Variants in RIN3 observed in about 807,000 individuals in gnomAD.
The protein encoded by RIN3 is RAB5 interacting protein 3.
In RIN3, 54 loss-of-function variants were observed where a neutral mutation model predicts 76.3. The ratio of observed to expected loss-of-function variants is 0.71; its 90% CI spans 0.57 to 0.89. The LOEUF is 0.89. Ranked by LOEUF, RIN3 falls within the 40% of genes least tolerant of loss-of-function variation. The probability of loss-of-function intolerance (pLI) is 0.00; values close to 1 mark genes in which losing one functional copy is unlikely to be tolerated. For missense variants in RIN3, 1,256 were observed against 1,322.1 expected (o/e 0.95, Z 0.78); for synonymous variants, 576 against 564.0 (o/e 1.02, Z -0.30).
At chr14:92,651,438 GAAA>G in intron 5 of RIN3, 141 bp from the exon 6 acceptor site, 7 of 517,428 alleles carry the variant, frequency 1.4e-5, no homozygotes, top group South Asian at 2.1e-5. Context: ...TCCAAGAGGG[GAAA>G]ACAACCTCAA....
rs192291016 is a variant in RIN3, at chr14:92,661,501, G to A, written c.2335+2032G>A. On this transcript the variant is annotated intron_variant, in intron 7 of 9. Coordinates refer to ENST00000216487, the MANE Select transcript of RIN3 (RefSeq NM_024832.5). ...AGCACTTTGGGAGGCTGAGGTGGGC[G>A]GATCACGAGGTCAGGAGTTTGAGAC... 1.2e-4 allele frequency among the ~76,000 whole-genome samples: 18 copies of A among 152,114 alleles called. No individual in the cohort carries two copies. In the East Asian group the frequency reaches 3.1e-3, roughly 26 times the overall value.
chr14:92,685,284 T>C lies in RIN3; in HGVS notation c.2631+134T>C, dbSNP rs941729246. ...CCCTGCCTTAGGGGAGCAGTGAGAC[T>C]CCCCACACCAGAGGAAGGGCCCCCA... is the stretch of plus-strand genomic sequence containing the variant. On this transcript the variant is annotated intron_variant, in intron 9 of 9. Coordinates refer to ENST00000216487, the MANE Select transcript of RIN3 (RefSeq NM_024832.5). This position sits in a 1 kb window ranked among gnomAD's most constrained non-coding sequence, Gnocchi z 4.7. 1.2e-4 allele frequency: 109 copies of C among 927,636 alleles called. 2 individuals are homozygous for C. Among genetic ancestry groups the C allele is most frequent in the African/African-American group, 1.2e-3 (70 of 60,060 alleles). The allele number at this position is 927,636 out of a possible 1,614,324, so 57.5% of individuals were successfully genotyped here.
chr14:92,549,234 A>G (rs1345464868), intron 1 of RIN3, among the ~76,000 whole-genome samples: 1 of 152,070 alleles, frequency 6.6e-6, no homozygotes, highest in Non-Finnish European at 1.5e-5. Flanking sequence ...TGGGGTAGTG[A>G]CGGCCTTTTC....
chr14:92,664,348 T>TTTTCTTTC (rs1167000441), intron 7 of RIN3, among the ~76,000 whole-genome samples: 8 of 140,702 alleles, frequency 5.7e-5, no homozygotes, highest in African/African-American at 1.8e-4. Flanking sequence ...CGCTTCATCA[T>TTTTCTTTC]TTTCTTTCTT....
At chr14:92,654,947 C>T (rs1362061089) in intron 6 of RIN3, among the ~76,000 whole-genome samples, 1 of 151,948 alleles carries the variant, frequency 6.6e-6, no homozygotes, top group Non-Finnish European at 1.5e-5. Flanking sequence ...GGTGGATCAC[C>T]TAAGGTCAGG....
intron 3 of RIN3, among the ~76,000 whole-genome samples, chr14:92,609,857 G>A (rs952063957): frequency 9.8e-6 from 1 of 102,130 alleles, no homozygotes; most frequent in Non-Finnish European, 2.4e-5. Context: ...GTGTGTGTGT[G>A]TGTGTGTGTG....
intron 1 of RIN3, chr14:92,515,406 C>T (rs1330359895): frequency 1.8e-6 from 1 of 551,570 alleles, no homozygotes; most frequent in Admixed American, 3.5e-5. Context: ...CAGAGATGAC[C>T]TAGTGTGATC....
chr14:92,615,555 A>G, intron 4 of RIN3, 76 bp downstream of exon 4: 6 of 1,256,388 alleles, frequency 4.8e-6, no homozygotes, highest in Non-Finnish European at 5.8e-6. Context: ...GGTGCAGGGG[A>G]CTTCACAGGG....
intron 1 of RIN3, among the ~76,000 whole-genome samples, chr14:92,518,629 G>A (rs1896508673): frequency 6.6e-6 from 1 of 152,192 alleles, no homozygotes; most frequent in African/African-American, 2.4e-5. Context: ...TACTTGTCAG[G>A]GAGAAAGGAT....
intron 1 of RIN3, among the ~76,000 whole-genome samples, chr14:92,540,263 C>T (rs1286566938): frequency 2.0e-5 from 3 of 152,188 alleles, no homozygotes; most frequent in Admixed American, 6.5e-5. Context: ...AGGCTGTGGG[C>T]AGGGGCCCAT....
chr14:92,599,088 G>A (rs896604721), intron 3 of RIN3, among the ~76,000 whole-genome samples: 5 of 152,168 alleles, frequency 3.3e-5, no homozygotes, highest in South Asian at 2.1e-4. Flanking sequence ...AGGGAAAGCC[G>A]AGAACAGGAG....
chr14:92,666,158 C>T (rs1385207404), intron 7 of RIN3, among the ~76,000 whole-genome samples: 3 of 152,182 alleles, frequency 2.0e-5, no homozygotes, highest in African/African-American at 7.2e-5. Flanking sequence ...CCAGCCCCCT[C>T]ACCTCCAGGG....
rs1887093798 is a variant in RIN3, at chr14:92,643,623, G to A, written c.532+2294G>A. Among the ~76,000 whole-genome samples the A allele has an allele frequency of 6.6e-6, 1 of 152,096 alleles. No homozygotes were observed. The highest frequency in any genetic ancestry group is 2.4e-5 in the African/African-American group (1 of 41,414). ...CTTGGCATTGTCTTATGTCATTTTT[G>A]TGCATTTTAAAGATAGAACACTGGC... On this transcript the variant is annotated intron_variant, in intron 5 of 9. Coordinates refer to ENST00000216487, the MANE Select transcript of RIN3 (RefSeq NM_024832.5). This position sits in a 1 kb window ranked among gnomAD's most constrained non-coding sequence, Gnocchi z 4.8.
chr14:92,688,035 C>A lies in RIN3; in HGVS notation c.2741C>A (p.Ala914Glu). 6.3e-7 allele frequency: 1 copy of A among 1,595,220 alleles called. No individual in the cohort carries two copies. Among genetic ancestry groups the A allele is most frequent in the South Asian group, 1.1e-5 (1 of 88,866 alleles). ...TGCGCGCAGTGCGCGGAGAAGTTCG[C>A]GGTGGAGCGGCCGCAGGCGCACCGG... is the stretch of plus-strand genomic sequence containing the variant. The part of the protein sequence containing the change: ...ALCAQCAEKF[A>E]VERPQAHRLF... The change falls in exon 10 of 10, where the codon GCG becomes GAG. Residue 914 changes from alanine (A) to glutamate (E), a missense_variant. This residue lies in a region of RIN3 where 218 missense variants were observed against 174.5 expected (regional missense o/e 1.25). Coordinates refer to ENST00000216487, the MANE Select transcript of RIN3 (RefSeq NM_024832.5).
chr14:92,565,774 T>C (rs936483301), intron 2 of RIN3, among the ~76,000 whole-genome samples: 1 of 152,200 alleles, frequency 6.6e-6, no homozygotes, highest in Non-Finnish European at 1.5e-5. Flanking sequence ...TTGGGCCGGC[T>C]TCTTTACCAC....
chr14:92,529,599 T>G (rs562682230), intron 1 of RIN3, among the ~76,000 whole-genome samples: 38 of 152,302 alleles, frequency 2.5e-4, no homozygotes, highest in African/African-American at 8.4e-4. Flanking sequence ...TGATGAAATA[T>G]TCCAGTTGTC....
At position 92,661,748 on chromosome 14, in the gene RIN3, C is replaced by CAG. The variant is rs1424385869; in HGVS notation, c.2335+2280_2335+2281insGA. Among the ~76,000 whole-genome samples, 38 of 138,414 alleles carry CAG rather than the reference C, an allele frequency of 2.7e-4. No homozygotes were observed. In the South Asian group the frequency reaches 7.4e-3, roughly 27 times the overall value. 90.8% of individuals were successfully genotyped at this position (138,414 alleles called of 152,430 possible). A position where few individuals can be genotyped will look rare whatever the true frequency, so the allele number is the denominator to read the frequency against. On this transcript the variant is annotated intron_variant, in intron 7 of 9. Coordinates refer to ENST00000216487, the MANE Select transcript of RIN3 (RefSeq NM_024832.5). ...TCACACACACACACACACACACACA[C>CAG]ACACACACACAAAAAATAGAATTGT...
rs1566887096 is a variant in RIN3 at position 92,651,969 on chromosome 14, C to T, written c.920C>T (p.Pro307Leu). ...PPVLPALAPA[P>L]ACPLPTSPPV... is the part of the protein sequence containing the mutation. ...GTGCTCCCTGCTCTTGCCCCCGCCC[C>T]TGCCTGTCCTTTGCCCACCTCTCCC... is the stretch of plus-strand genomic sequence containing the variant. Residue 307 changes from proline to leucine, a missense_variant, in exon 6 of 10, where the codon CCT (proline) becomes CTT (leucine). By Grantham distance (98) the Pro-to-Leu change is moderately conservative. Coordinates refer to ENST00000216487, the MANE Select transcript of RIN3 (RefSeq NM_024832.5). 2 of 1,536,762 alleles carry T rather than the reference C, an allele frequency of 1.3e-6. No individual in the cohort carries two copies. Among genetic ancestry groups the T allele is most frequent in the Admixed American group, 1.8e-5 (1 of 54,756 alleles).
chr14:92,663,058 G>A (rs1224900631), intron 7 of RIN3, among the ~76,000 whole-genome samples: 2 of 151,910 alleles, frequency 1.3e-5, no homozygotes, highest in East Asian at 1.9e-4. Context: ...CAATTTGCCC[G>A]CCTTGGCCTC....
Sources: gnomAD v4.1 joint callset for allele counts (sites outside exome capture counted in the v4.1 genomes callset) on GRCh38, gnomAD v4.1.1 for gene constraint, gnomAD v4.1.1 regional missense constraint, Gnocchi (gnomAD v3.1) non-coding constraint, MANE v1.5 for transcripts, NCBI Gene and HGNC (gene_info 2026-07-23, HGNC 2026-07-21) for gene names.